Variants in ATP10B observed in about 807,000 individuals in gnomAD.
ATP10B encodes the protein phospholipid-transporting ATPase VB.
Under a neutral mutation model 141.2 loss-of-function variants are expected in ATP10B, and 122 were observed. The observed-to-expected ratio is 0.86, with a 90% CI of 0.75 to 1.00. The LOEUF is 1.00. Among genes scored for constraint, ATP10B ranks in the 50% least tolerant of loss-of-function variants. The pLI is 0.00. For missense variants in ATP10B, 1,876 were observed against 1,825.3 expected (o/e 1.03, Z -0.51); for synonymous variants, 685 against 692.0 (o/e 0.99, Z 0.16).
intron 12 of ATP10B, 190 bp downstream of exon 12, chr5:160,634,164 G>A: frequency 1.2e-6 from 1 of 837,510 alleles, no homozygotes; most frequent in Admixed American, 1.8e-5. Context: ...GTAAACAAAT[G>A]AAAGTTTACA....
chr5:160,894,160 C>T, the ATP10B span, among the ~76,000 whole-genome samples: 1 of 152,016 alleles, frequency 6.6e-6, no homozygotes, highest in Non-Finnish European at 1.5e-5. Flanking sequence ...ATCACAACTC[C>T]TCACCAGCAA....
chr5:160,749,427 A>G (rs769032527), intron 2 of ATP10B, among the ~76,000 whole-genome samples: 4 of 152,144 alleles, frequency 2.6e-5, no homozygotes, highest in Non-Finnish European at 5.9e-5. Context: ...TCCACAACCC[A>G]GCTGCCCTCC....
chr5:160,664,061 A>C (rs987811065), intron 7 of ATP10B, among the ~76,000 whole-genome samples: 5 of 152,186 alleles, frequency 3.3e-5, no homozygotes, highest in African/African-American at 4.8e-5. Context: ...TACTATTATG[A>C]AGTCATATTT....
At chr5:160,875,409 A>G in the ATP10B span, among the ~76,000 whole-genome samples, 576 of 113,370 alleles carry the variant, frequency 5.1e-3, 7 homozygotes, top group African/African-American at 0.014. Flanking sequence ...AGGAACAACC[A>G]GTACCAGCCA....
chr5:160,804,720 G>T (rs558194408), intron 1 of ATP10B, among the ~76,000 whole-genome samples: 1 of 152,254 alleles, frequency 6.6e-6, no homozygotes, highest in East Asian at 1.9e-4. Flanking sequence ...TTCAAATCTT[G>T]GTTCCATTAC....
At chr5:160,589,861 G>A (rs757646427) in intron 23 of ATP10B, among the ~76,000 whole-genome samples, 165 bp from the exon 24 acceptor site, 37 of 152,196 alleles carry the variant, frequency 2.4e-4, no homozygotes, top group Non-Finnish European at 4.4e-4. Flanking sequence ...AGGTAAGAAA[G>A]GAATTGATAG....
chr5:160,881,675 G>T, the ATP10B span, among the ~76,000 whole-genome samples: 3 of 152,094 alleles, frequency 2.0e-5, no homozygotes, highest in Non-Finnish European at 2.9e-5. Context: ...ATCCGGGCGT[G>T]GGGTGGGCGC....
chr5:160,728,224 C>G (rs143649953), intron 2 of ATP10B, among the ~76,000 whole-genome samples: 1,818 of 152,152 alleles, frequency 0.012, 21 homozygotes, highest in Non-Finnish European at 0.019. Context: ...TTCTTGGATG[C>G]CTGCCCCTCT....
At chr5:160,692,879 T>G (rs960115553) in intron 3 of ATP10B, 3 of 152,240 alleles carry the variant, frequency 2.0e-5, no homozygotes, top group Admixed American at 6.5e-5. Context: ...ATTAAATCTC[T>G]TTCTCCTGCA....
chr5:160,844,971 C>CA (rs1414074926), intron 1 of ATP10B, among the ~76,000 whole-genome samples: 1 of 152,174 alleles, frequency 6.6e-6, no homozygotes, highest in Non-Finnish European at 1.5e-5. Context: ...GCCTGTTGGG[C>CA]ATACCAAAGC....
At chr5:160,707,084 G>A (rs533334016) in intron 3 of ATP10B, among the ~76,000 whole-genome samples, 14 of 152,134 alleles carry the variant, frequency 9.2e-5, no homozygotes, top group African/African-American at 2.4e-4. Context: ...CCTAGTAGCC[G>A]GGATTACAGG....
intron 2 of ATP10B, among the ~76,000 whole-genome samples, chr5:160,760,701 G>A (rs928185335): frequency 2.2e-4 from 34 of 152,178 alleles, no homozygotes; most frequent in African/African-American, 8.0e-4. Flanking sequence ...AGTGAGCCTG[G>A]CCTTGCTGGC....
At position 160,583,571 on chromosome 5, in the gene ATP10B, C is replaced by T. The variant is rs375325955; in HGVS notation, c.3750+6021G>A. Among the ~76,000 whole-genome samples, 38 of 152,314 alleles carry T rather than the reference C, an allele frequency of 2.5e-4. 2 individuals carry two copies. The highest frequency in any genetic ancestry group is 1.4e-3 in the Admixed American group (21 of 15,296). On this transcript the variant is annotated intron_variant, in intron 24 of 25. Transcript: ENST00000327245. ...AGTCTGTCCCTTAGCAGAGCTCGAG[C>T]GCTGTGCTTCAGAGCTGGCCGTCAG... is the stretch of plus-strand genomic sequence containing the variant.
the ATP10B span, among the ~76,000 whole-genome samples, chr5:160,904,507 G>GTGTT: frequency 1.3e-5 from 2 of 151,802 alleles, no homozygotes; most frequent in African/African-American, 4.8e-5. Context: ...GGGTGTGCGT[G>GTGTT]TGTATGTTTC....
chr5:160,695,953 T>G (rs1390485842), intron 3 of ATP10B, among the ~76,000 whole-genome samples: 1 of 152,092 alleles, frequency 6.6e-6, no homozygotes, highest in Non-Finnish European at 1.5e-5. Flanking sequence ...GTAGAAGAAA[T>G]AGTCTGGAGT....
chr5:160,646,051 C>T (rs1760255440), intron 8 of ATP10B, among the ~76,000 whole-genome samples: 1 of 152,106 alleles, frequency 6.6e-6, no homozygotes. Flanking sequence ...TCTTTGTGGT[C>T]TGGGAAGTTA....
At chr5:160,771,731 C>A (rs773832937) in intron 2 of ATP10B, among the ~76,000 whole-genome samples, 1 of 152,132 alleles carries the variant, frequency 6.6e-6, no homozygotes, top group African/African-American at 2.4e-5. Context: ...TCATGTTGTA[C>A]CTTAGCTCTC....
intron 2 of ATP10B, among the ~76,000 whole-genome samples, chr5:160,757,038 T>G (rs965396145): frequency 6.6e-6 from 1 of 152,112 alleles, no homozygotes; most frequent in Non-Finnish European, 1.5e-5. Context: ...GGTCACTAAC[T>G]TTTTTTTCTT....
chr5:160,692,993 G>A (rs1581368172), intron 3 of ATP10B: 1 of 152,104 alleles, frequency 6.6e-6, no homozygotes, highest in East Asian at 1.9e-4. Flanking sequence ...TTTGCCTCCT[G>A]ATATGATGTA....
Sources: allele counts gnomAD v4.1 joint callset (sites outside exome capture counted in the v4.1 genomes callset), GRCh38; gene constraint gnomAD v4.1.1; transcripts MANE v1.5; gene names NCBI Gene and HGNC (gene_info 2026-07-23, HGNC 2026-07-21).